The following BIRC2 variants were observed in gnomAD, a reference collection of about 807,000 sequenced individuals.
BIRC2 encodes the protein baculoviral IAP repeat-containing protein 2.
BIRC2 carries 18 observed loss-of-function variants against 60.9 expected under a neutral mutation model. The observed-to-expected ratio is 0.30, with a 90% confidence interval of 0.20 to 0.44. The LOEUF is 0.44. BIRC2 is among the 20% of genes least tolerant of loss of function. The pLI, the probability that BIRC2 is intolerant of heterozygous loss-of-function variation, is 1.00. For missense variants in BIRC2, 701 were observed against 728.5 expected, an observed-to-expected ratio of 0.96 and a Z score of 0.43; for synonymous variants, 282 against 247.7, an observed-to-expected ratio of 1.14 and a Z score of -1.30.
chr11:102,350,806 A>T, intron 2 of BIRC2, 38 bp from the exon 3 acceptor site: 1 of 1,610,408 alleles, frequency 6.2e-7, no homozygotes, highest in Non-Finnish European at 8.5e-7. Context: ...ATATTAGAAC[A>T]TACGTGTTTT....
Position 102,370,089 on chromosome 11 carries a change from C to T in BIRC2, c.1366+1541C>T, listed in dbSNP as rs34437326. Among the ~76,000 whole-genome samples the T allele has an allele frequency of 7.0e-4, 106 of 151,262 alleles. No individual in the cohort carries two copies. In the East Asian group the frequency reaches 9.3e-3, roughly 13 times the overall value. On this transcript the variant is annotated intron_variant, in intron 6 of 8. Coordinates refer to ENST00000227758, the MANE Select transcript of BIRC2 (RefSeq NM_001166.5). The stretch of plus-strand genomic sequence containing the variant: ...AGCCCTTTGTCAGATGAGTAGGTTG[C>T]GAAAATTTTCTCCCATTTTGTAGGT...
intron 3 of BIRC2, among the ~76,000 whole-genome samples, chr11:102,354,214 A>AT (rs1428671418): frequency 6.6e-6 from 1 of 151,922 alleles, no homozygotes; most frequent in Non-Finnish European, 1.5e-5. Flanking sequence ...ATTTTATTTT[A>AT]TTTTATTTAT....
At chr11:102,365,040 A>T (rs1951538168) in intron 5 of BIRC2, among the ~76,000 whole-genome samples, 1 of 152,194 alleles carries the variant, frequency 6.6e-6, no homozygotes, top group East Asian at 1.9e-4. Flanking sequence ...TCAGTTTATA[A>T]TCTTGCTTCC....
Position 102,367,536 on chromosome 11 carries a change from T to C in BIRC2, c.1124-770T>C, listed in dbSNP as rs1951567082. On this transcript the variant is annotated intron_variant, in intron 5 of 8. Coordinates refer to ENST00000227758, the MANE Select transcript of BIRC2 (RefSeq NM_001166.5). The stretch of plus-strand genomic sequence containing the variant: ...ATATTTATTATAAGTTTCCAGAAGA[T>C]GGCAGTAGTGTCTTGAAGAATTATG... Among the ~76,000 whole-genome samples the C allele has an allele frequency of 2.0e-5, 3 of 152,230 alleles. No homozygotes were observed. In the South Asian group the frequency reaches 6.2e-4, roughly 32 times the overall value.
rs1951303018 is a variant in BIRC2, at chr11:102,347,306, C to T, written c.-1328C>T. 1.3e-5 allele frequency: 2 copies of T among 152,438 alleles called. No individual in the cohort carries two copies. The highest frequency in any genetic ancestry group is 2.4e-5 in the African/African-American group (1 of 41,590). The allele number at this position is 152,438 out of a possible 1,614,324, so 9.4% of individuals were successfully genotyped here. A position where few individuals can be genotyped will look rare whatever the true frequency, so the allele number is the denominator to read the frequency against. On this transcript the variant is annotated 5_prime_UTR_variant, in exon 1 of 9. Transcript: ENST00000227758. Reference sequence around the variant, plus strand: ...GCGGGCCGTATCTCCTTGTCGGCGCCGCTGATTCCCGGCTCTGCGGAGGCC... The same window carrying T: ...GCGGGCCGTATCTCCTTGTCGGCGCTGCTGATTCCCGGCTCTGCGGAGGCC...
chr11:102,361,410 C>T (rs1012878012), intron 3 of BIRC2, among the ~76,000 whole-genome samples: 4 of 152,066 alleles, frequency 2.6e-5, no homozygotes, highest in East Asian at 1.9e-4. Flanking sequence ...AGCTGTGGCT[C>T]TGGGGTCTGG....
rs754075491 is a variant in BIRC2, at chr11:102,350,824, T to C, written c.896-20T>C. ...TTAGAACATACGTGTTTTCAATATT[T>C]AGTCTTTTTTTTCCTGAAGGTCGCA... On this transcript the variant is annotated intron_variant, in intron 2 of 8. Coordinates refer to ENST00000227758, the MANE Select transcript of BIRC2 (RefSeq NM_001166.5). 1.9e-6 allele frequency: 3 copies of C among 1,612,056 alleles called. No individual in the cohort carries two copies. In the African/African-American group the frequency reaches 4.0e-5, roughly 22 times the overall value.
chr11:102,362,295 A>G (rs1240174943), intron 3 of BIRC2, among the ~76,000 whole-genome samples: 1 of 152,118 alleles, frequency 6.6e-6, no homozygotes. Flanking sequence ...AGTATCATTT[A>G]TTGAAGAAAC....
intron 6 of BIRC2, among the ~76,000 whole-genome samples, chr11:102,370,306 A>G (rs1475242884): frequency 4.2e-5 from 6 of 141,794 alleles, no homozygotes; most frequent in African/African-American, 1.6e-4. Flanking sequence ...TAGGTCTAAC[A>G]TTTAAATCTT....
chr11:102,378,182 A>G lies in BIRC2; in HGVS notation c.1856A>G (p.Ter619=). 3 of 1,579,938 alleles carry G rather than the reference A, an allele frequency of 1.9e-6. No individual in the cohort carries two copies. The highest frequency in any genetic ancestry group is 2.3e-5 in the South Asian group (2 of 85,212). The part of the protein sequence containing the change: ...IKGTVRTFLS[*] ...GGTACTGTTCGTACATTTCTCTCTT[A>G]AAGAAAAATAGTCTATATTTTAACC... Residue 619 remains the stop codon, a stop_retained_variant, in exon 9 of 9, where the codon TAA becomes TGA. Transcript: ENST00000227758.
In BIRC2 at chr11:102,350,704, C is replaced by T. The variant is rs755023156; in HGVS notation, c.850C>T (p.Pro284Ser). ...RTFMYWPSSV[P>S]VQPEQLASAG... ...ATTTATGTACTGGCCATCTAGTGTTCCAGTTCAGCCTGAGCAGCTTGCAAG... is the reference window on the plus strand; with the variant it reads ...ATTTATGTACTGGCCATCTAGTGTTTCAGTTCAGCCTGAGCAGCTTGCAAG... The change falls in exon 2 of 9, where the codon CCA (proline) becomes TCA (serine). Residue 284 changes from proline (P) to serine (S), a missense_variant. Transcript: ENST00000227758. The T allele has an allele frequency of 6.2e-6, 10 of 1,611,386 alleles. No individual in the cohort carries two copies. The highest frequency in any genetic ancestry group is 2.2e-5 in the East Asian group (1 of 44,868).
rs1951317774 is a variant in BIRC2, at chr11:102,348,634, G to T, written c.-1221G>T. 7.1e-6 allele frequency: 2 copies of T among 281,840 alleles called. No homozygotes were observed. The highest frequency in any genetic ancestry group is 5.3e-5 in the Admixed American group (1 of 18,800). 17.5% of individuals were successfully genotyped at this position (281,840 alleles called of 1,614,324 possible). A position where few individuals can be genotyped will look rare whatever the true frequency, so the allele number is the denominator to read the frequency against. On this transcript the variant is annotated 5_prime_UTR_variant, in exon 2 of 9. Coordinates refer to ENST00000227758, the MANE Select transcript of BIRC2 (RefSeq NM_001166.5). ...TGAAGAATCTCCCTATCCCTATTTTGTCCCCCTGCAGTAATAAATCCCATT... is the reference window on the plus strand; with the variant it reads ...TGAAGAATCTCCCTATCCCTATTTTTTCCCCCTGCAGTAATAAATCCCATT...
chr11:102,366,376 T>A (rs534754400), intron 5 of BIRC2, among the ~76,000 whole-genome samples: 3 of 151,984 alleles, frequency 2.0e-5, no homozygotes, highest in African/African-American at 7.3e-5. Context: ...ACCACTGTTT[T>A]TTTTTTTTGA....
chr11:102,366,579 C>T (rs142877451), intron 5 of BIRC2, among the ~76,000 whole-genome samples: 36 of 151,990 alleles, frequency 2.4e-4, no homozygotes, highest in African/African-American at 7.7e-4. Flanking sequence ...ACTGGATTAG[C>T]CAGGATGGTC....
intron 3 of BIRC2, among the ~76,000 whole-genome samples, chr11:102,354,171 CCTTCCAGGTT>C (rs1951394106): frequency 6.6e-6 from 1 of 152,082 alleles, no homozygotes; most frequent in African/African-American, 2.4e-5. Context: ...TGGCATAATG[CCTTCCAGGTT>C]CATTCATGTT....
intron 3 of BIRC2, among the ~76,000 whole-genome samples, chr11:102,357,064 C>A (rs917784841): frequency 6.6e-6 from 1 of 152,162 alleles, no homozygotes; most frequent in Non-Finnish European, 1.5e-5. Context: ...AGGGATAAAT[C>A]TCACTTGATA....
rs1274684007 is a variant in BIRC2 at position 102,362,989 on chromosome 11, A to T, written c.1074+15A>T. On this transcript the variant is annotated intron_variant, in intron 4 of 8. Coordinates refer to ENST00000227758, the MANE Select transcript of BIRC2 (RefSeq NM_001166.5). ...TTCTTGAACAGGTAAATACATTTTT[A>T]AAATTAACAACATTGAATTCTGCTT... 12 of 1,541,332 alleles carry T rather than the reference A, an allele frequency of 7.8e-6. No homozygotes were observed. Among genetic ancestry groups the T allele is most frequent in the Non-Finnish European group, 8.1e-6 (9 of 1,117,174 alleles).
chr11:102,365,433 ACT>A (rs1173730948), intron 5 of BIRC2, among the ~76,000 whole-genome samples: 7 of 152,128 alleles, frequency 4.6e-5, no homozygotes, highest in South Asian at 2.1e-4. Context: ...TCTGTGCTTA[ACT>A]CTGTTTTACT....
intron 5 of BIRC2, among the ~76,000 whole-genome samples, chr11:102,364,469 A>G (rs941443046): frequency 6.6e-6 from 1 of 152,132 alleles, no homozygotes; most frequent in East Asian, 1.9e-4. Flanking sequence ...GATGTTAGGT[A>G]TTTAAGTCAG....
Sources: allele counts gnomAD v4.1 joint callset (sites outside exome capture counted in the v4.1 genomes callset), GRCh38; gene constraint gnomAD v4.1.1; transcripts MANE v1.5; gene names NCBI Gene and HGNC (gene_info 2026-07-23, HGNC 2026-07-21).